The following CCAR1 variants were observed in gnomAD, a reference collection of about 807,000 sequenced individuals.
The protein encoded by CCAR1 is cell division cycle and apoptosis regulator protein 1.
CCAR1 carries 78 observed loss-of-function variants against 163.8 expected under a neutral mutation model. That is an observed-to-expected ratio of 0.48 (90% CI 0.40 to 0.57). CCAR1 has a LOEUF of 0.57. Ranked by LOEUF, CCAR1 falls within the 20% of genes least tolerant of loss-of-function variation. CCAR1 has a pLI of 0.00. For missense variants in CCAR1, 1,019 were observed against 1,365.2 expected (o/e 0.75, Z 4.00); for synonymous variants, 443 against 460.7 (o/e 0.96, Z 0.49).
Position 68,721,262 on chromosome 10 carries a change from G to A in CCAR1, c.-71G>A, listed in dbSNP as rs2055850245. On this transcript the variant is annotated 5_prime_UTR_variant, in exon 1 of 25. An upstream start codon of the reference 5' UTR is lost. Coordinates refer to ENST00000265872, the MANE Select transcript of CCAR1 (RefSeq NM_018237.4). Reference sequence around the variant, plus strand: ...CTGACGGGTTTGAAATGGCTTCGATGTTAGCCGGGACCCGACTCAGGTGAA... The same window carrying A: ...CTGACGGGTTTGAAATGGCTTCGATATTAGCCGGGACCCGACTCAGGTGAA... 5.5e-6 allele frequency: 1 copy of A among 180,546 alleles called. No homozygotes were observed. Among genetic ancestry groups the A allele is most frequent in the South Asian group, 7.3e-5 (1 of 13,704 alleles). The allele number at this position is 180,546 out of a possible 1,614,324, so 11.2% of individuals were successfully genotyped here.
At chr10:68,775,497 CT>C (rs58856212) in intron 19 of CCAR1, among the ~76,000 whole-genome samples, 81,136 of 118,272 alleles carry the variant, frequency 0.69, 24,236 homozygotes, top group Admixed American at 0.75. Flanking sequence ...GCCTCATTTT[CT>C]TTTTTTTTTT....
At position 68,786,624 on chromosome 10, in the gene CCAR1, G is replaced by C; in HGVS notation, c.2812G>C (p.Gly938Arg). The change falls in exon 21 of 25, where the codon GGT becomes CGT. Residue 938 changes from glycine (G) to arginine (R), a missense_variant. Gly to Arg is a moderately radical substitution (Grantham distance 125). Transcript: ENST00000265872. Reference sequence around the variant, plus strand: ...TGTTTATTTTGATCAAAGTCATTGTGGTTACCTTCTTGAAAAGGATTTGGA... The same window carrying C: ...TGTTTATTTTGATCAAAGTCATTGTCGTTACCTTCTTGAAAAGGATTTGGA... ...AFVYFDQSHC[G>R]YLLEKDLEEI... 2 of 1,602,690 alleles carry C rather than the reference G, an allele frequency of 1.2e-6. No homozygotes were observed. The highest frequency in any genetic ancestry group is 1.7e-6 in the Non-Finnish European group (2 of 1,173,976).
In CCAR1 at chr10:68,747,177, A is replaced by C. The variant is rs369204748; in HGVS notation, c.535A>C (p.Thr179Pro). ...TTTTTACAGTGCTGTCAAAGGGAAAACCCCCCAAGTAGGTGACAGAGTATT... is the reference window on the plus strand; with the variant it reads ...TTTTTACAGTGCTGTCAAAGGGAAACCCCCCCAAGTAGGTGACAGAGTATT... ...FFQLSAVKGK[T>P]PQVGDRVLVE... is the part of the protein sequence containing the mutation. The change falls in exon 7 of 25, where the codon ACC becomes CCC. Residue 179 changes from threonine to proline, a missense_variant. Coordinates refer to ENST00000265872, the MANE Select transcript of CCAR1 (RefSeq NM_018237.4). 6.3e-7 allele frequency: 1 copy of C among 1,583,398 alleles called. No homozygotes were observed. The highest frequency in any genetic ancestry group is 8.6e-7 in the Non-Finnish European group (1 of 1,167,608).
At chr10:68,726,344 G>A (rs1223660220) in intron 2 of CCAR1, among the ~76,000 whole-genome samples, 2 of 151,786 alleles carry the variant, frequency 1.3e-5, no homozygotes, top group African/African-American at 2.4e-5. Flanking sequence ...GTAGAGACTG[G>A]GTTTCACCCT....
chr10:68,730,801 C>A (rs1022703838), intron 2 of CCAR1, among the ~76,000 whole-genome samples: 1 of 152,018 alleles, frequency 6.6e-6, no homozygotes, highest in African/African-American at 2.4e-5. Flanking sequence ...GGTGATCCAC[C>A]CACTTCAGCC....
At chr10:68,759,952 AG>A (rs1423739043) in intron 15 of CCAR1, among the ~76,000 whole-genome samples, 7 of 152,088 alleles carry the variant, frequency 4.6e-5, no homozygotes, top group Non-Finnish European at 1.0e-4. Flanking sequence ...CTCTGACCTA[AG>A]CCTCTCAAGT....
chr10:68,771,823 A>G (rs2056607710), intron 18 of CCAR1, among the ~76,000 whole-genome samples: 1 of 152,112 alleles, frequency 6.6e-6, no homozygotes. Context: ...AATTAAGCCA[A>G]TATGAGCATC....
intron 19 of CCAR1, among the ~76,000 whole-genome samples, chr10:68,783,452 C>T (rs1328482172): frequency 1.3e-5 from 2 of 151,992 alleles, no homozygotes; most frequent in Admixed American, 6.6e-5. Context: ...GGATTACAGG[C>T]GTGAGCCACC....
chr10:68,754,379 G>A (rs961268857), intron 11 of CCAR1, among the ~76,000 whole-genome samples: 6 of 152,196 alleles, frequency 3.9e-5, no homozygotes, highest in Admixed American at 6.5e-5. Context: ...AAAACTTAAT[G>A]TTAGATGAAT....
At chr10:68,781,949 G>C (rs2056741724) in intron 19 of CCAR1, among the ~76,000 whole-genome samples, 1 of 152,184 alleles carries the variant, frequency 6.6e-6, no homozygotes, top group African/African-American at 2.4e-5. Flanking sequence ...AAGGCATGTT[G>C]AAAGTTGAGA....
At chr10:68,736,484 C>T (rs528669823) in intron 2 of CCAR1, among the ~76,000 whole-genome samples, 7 of 152,290 alleles carry the variant, frequency 4.6e-5, no homozygotes, top group African/African-American at 1.7e-4. Context: ...TCTGCCCAAT[C>T]CTGCCCTGGG....
chr10:68,747,151 T>C lies in CCAR1; in HGVS notation c.519-10T>C, dbSNP rs1232956411. On this transcript the variant is annotated splice_polypyrimidine_tract_variant and intron_variant, in intron 6 of 24. Transcript: ENST00000265872. ...TATATTTAACTTTTTTTTTCTTTTT[T>C]TTTTTACAGTGCTGTCAAAGGGAAA... is the stretch of plus-strand genomic sequence containing the variant. 3.5e-6 allele frequency: 5 copies of C among 1,431,292 alleles called. No individual in the cohort carries two copies. In the African/African-American group the frequency reaches 4.3e-5, roughly 12 times the overall value. 88.7% of individuals were successfully genotyped at this position (1,431,292 alleles called of 1,614,324 possible).
chr10:68,771,394 G>A lies in CCAR1; in HGVS notation c.2487G>A (p.Arg829=), dbSNP rs749539675. 2 of 1,591,502 alleles carry A rather than the reference G, an allele frequency of 1.3e-6. No homozygotes were observed. The highest frequency in any genetic ancestry group is 1.7e-6 in the Non-Finnish European group (2 of 1,169,504). ...DDETDEPKPK[R]RKSGDDKDKK... is the part of the protein sequence containing the mutation. ...AAACTGATGAACCAAAACCCAAACGGAGAAAATCAGGCGATGATAAAGATA... is the reference window on the plus strand; with the variant it reads ...AAACTGATGAACCAAAACCCAAACGAAGAAAATCAGGCGATGATAAAGATA... The change falls in exon 18 of 25, where the codon CGG becomes CGA. Residue 829 remains arginine (R), a synonymous_variant. Transcript: ENST00000265872.
In CCAR1 at chr10:68,792,233, A is replaced by G. The variant is rs1202117239; in HGVS notation, c.*967A>G. Reference sequence around the variant, plus strand: ...TCAATTAATTTTTCTACTTTCCCAGAATAGCATCTATATTCCTTTTAATTT... The same window carrying G: ...TCAATTAATTTTTCTACTTTCCCAGGATAGCATCTATATTCCTTTTAATTT... On this transcript the variant is annotated 3_prime_UTR_variant, in exon 25 of 25. Transcript: ENST00000265872. 1.3e-5 allele frequency: 2 copies of G among 152,142 alleles called. No homozygotes were observed. Among genetic ancestry groups the G allele is most frequent in the African/African-American group, 4.8e-5 (2 of 41,426 alleles). 9.4% of individuals were successfully genotyped at this position (152,142 alleles called of 1,614,324 possible).
intron 12 of CCAR1, among the ~76,000 whole-genome samples, 190 bp downstream of exon 12, chr10:68,755,017 G>A (rs897132171): frequency 3.3e-5 from 5 of 152,144 alleles, no homozygotes; most frequent in African/African-American, 2.4e-5. Context: ...TTATTTGTAC[G>A]CTACTAGTTC....
intron 19 of CCAR1, among the ~76,000 whole-genome samples, chr10:68,776,617 G>A (rs1047184080): frequency 2.0e-5 from 3 of 152,148 alleles, no homozygotes; most frequent in African/African-American, 7.2e-5. Context: ...ATAGTGGTAT[G>A]GTCATAGCTC....
At chr10:68,765,798 T>G in intron 16 of CCAR1, 90 bp from the exon 17 acceptor site, 2 of 840,826 alleles carry the variant, frequency 2.4e-6, no homozygotes, top group Non-Finnish European at 3.7e-6. Context: ...CTTTTATTTA[T>G]GAGATATATA....
chr10:68,770,220 AT>A (rs1419491893), intron 17 of CCAR1, among the ~76,000 whole-genome samples: 1 of 151,834 alleles, frequency 6.6e-6, no homozygotes, highest in Non-Finnish European at 1.5e-5. Context: ...TTTGATGTTG[AT>A]TTGGTTGTTC....
At position 68,773,170 on chromosome 10, in the gene CCAR1, C is replaced by A. The variant is rs182438242; in HGVS notation, c.2650+71C>A. On this transcript the variant is annotated intron_variant, in intron 19 of 24. Transcript: ENST00000265872. ...TTTTTGTTTGCTGACATTGTATTCA[C>A]TGAAATCTATACTTTTAACATTTTT... 528 of 770,256 alleles carry A rather than the reference C, an allele frequency of 6.9e-4. 3 individuals are homozygous for A. The African/African-American group carries it at 8.4e-3, about 12-fold the overall frequency. The allele number at this position is 770,256 out of a possible 1,614,324, so 47.7% of individuals were successfully genotyped here.
Sources: gnomAD v4.1 joint callset for allele counts (sites outside exome capture counted in the v4.1 genomes callset) on GRCh38, gnomAD v4.1.1 for gene constraint, MANE v1.5 for transcripts, NCBI Gene and HGNC (gene_info 2026-07-23, HGNC 2026-07-21) for gene names.